IRAK1BP1: variants seen among roughly 807,000 people sequenced by gnomAD.
IRAK1BP1 encodes interleukin-1 receptor-associated kinase 1-binding protein 1.
IRAK1BP1 carries 24 observed loss-of-function variants against 28.0 expected under a neutral mutation model. The observed-to-expected ratio is 0.86, with a 90% CI of 0.62 to 1.20. The LOEUF (loss-of-function observed/expected upper bound fraction) is 1.20. Among genes scored for constraint, IRAK1BP1 ranks in the 50% most tolerant of loss-of-function variants. The probability of loss-of-function intolerance (pLI) is 0.00; values close to 1 mark genes in which losing one functional copy is unlikely to be tolerated. For synonymous variants in IRAK1BP1, 131 were observed against 116.3 expected (o/e 1.13, Z -0.81); for missense variants, 336 against 316.7 (o/e 1.06, Z -0.46).
chr6:78,891,715 G>A (rs1454496440), intron 2 of IRAK1BP1, among the ~76,000 whole-genome samples: 1 of 152,168 alleles, frequency 6.6e-6, no homozygotes, highest in African/African-American at 2.4e-5. Flanking sequence ...GCCTGCCTCT[G>A]CCTCCCAAAG....
chr6:78,978,512 CAGA>C, the IRAK1BP1 span: 1 of 1,154,234 alleles, frequency 8.7e-7, no homozygotes, highest in Non-Finnish European at 1.2e-6. Flanking sequence ...TTCTATTTTC[CAGA>C]AGTCTATTTC....
chr6:78,955,292 AAGAATTTACC>A, the IRAK1BP1 span: 3 of 1,595,758 alleles, frequency 1.9e-6, no homozygotes, highest in Non-Finnish European at 2.6e-6. Flanking sequence ...CCTTTGAGGC[AAGAATTTACC>A]AGATTCATAA....
chr6:78,965,229 T>C, the IRAK1BP1 span, among the ~76,000 whole-genome samples: 1 of 152,150 alleles, frequency 6.6e-6, no homozygotes, highest in Admixed American at 6.5e-5. Flanking sequence ...ATAAGGAAGG[T>C]ATTAGCTTTG....
chr6:78,901,039 G>T lies in IRAK1BP1; in HGVS notation c.*2705G>T, dbSNP rs1772075569. The T allele has an allele frequency of 6.6e-6, 1 of 150,678 alleles. No homozygotes were observed. Among genetic ancestry groups the T allele is most frequent in the African/African-American group, 2.4e-5 (1 of 41,164 alleles). 9.3% of individuals were successfully genotyped at this position (150,678 alleles called of 1,614,324 possible). ...TTGTACAGAAAAGTAGAATGAGGTTGTGCATCAAGAAAAAAATTGTTCGTT... is the reference window on the plus strand; with the variant it reads ...TTGTACAGAAAAGTAGAATGAGGTTTTGCATCAAGAAAAAAATTGTTCGTT... On this transcript the variant is annotated 3_prime_UTR_variant, in exon 4 of 4. Transcript: ENST00000369940.
intron 1 of IRAK1BP1, among the ~76,000 whole-genome samples, chr6:78,873,952 A>C (rs1770892335): frequency 6.6e-6 from 1 of 152,224 alleles, no homozygotes; most frequent in Non-Finnish European, 1.5e-5. Context: ...TACACATGCA[A>C]GAACCTTGCT....
chr6:78,893,880 G>A (rs1771785467), intron 2 of IRAK1BP1, among the ~76,000 whole-genome samples: 1 of 152,032 alleles, frequency 6.6e-6, no homozygotes, highest in Admixed American at 6.6e-5. Flanking sequence ...TCCAGCCTGG[G>A]CGACAGAGCA....
intron 4 of IRAK1BP1, among the ~76,000 whole-genome samples, chr6:78,921,122 G>A (rs550660393): frequency 5.9e-5 from 9 of 152,298 alleles, no homozygotes; most frequent in African/African-American, 1.4e-4. Context: ...CGAGCAGGGC[G>A]AGGCATTGCC....
intron 4 of IRAK1BP1, among the ~76,000 whole-genome samples, chr6:78,919,057 A>G (rs899272353): frequency 2.0e-5 from 3 of 152,208 alleles, no homozygotes; most frequent in Non-Finnish European, 4.4e-5. Context: ...ATCTCTCAAA[A>G]CCACACAATT....
chr6:78,945,578 A>G, exon 5 of IRAK1BP1: 1 of 873,662 alleles, frequency 1.1e-6, no homozygotes, highest in Non-Finnish European at 1.8e-6. Flanking sequence ...AATTATTTGA[A>G]TTAGCCAAGA....
the IRAK1BP1 span, among the ~76,000 whole-genome samples, chr6:78,972,985 T>C: frequency 6.6e-6 from 1 of 152,082 alleles, no homozygotes; most frequent in East Asian, 1.9e-4. Context: ...TTCCCCAATC[T>C]AGCAAGGCAG....
At chr6:78,888,373 A>G (rs1308364824) in intron 2 of IRAK1BP1, among the ~76,000 whole-genome samples, 1 of 152,208 alleles carries the variant, frequency 6.6e-6, no homozygotes, top group Non-Finnish European at 1.5e-5. Context: ...CAAAGGACAC[A>G]AGGAAAATTT....
chr6:78,974,526 CA>C, the IRAK1BP1 span, among the ~76,000 whole-genome samples: 1 of 151,680 alleles, frequency 6.6e-6, no homozygotes, highest in Non-Finnish European at 1.5e-5. Flanking sequence ...TAACTAAGAT[CA>C]GAGCAGAACT....
chr6:78,871,454 C>A (rs77023118), intron 1 of IRAK1BP1: 21,834 of 985,470 alleles, frequency 0.022, 266 homozygotes, highest in Non-Finnish European at 0.024. Flanking sequence ...TCACAACAGA[C>A]CACCTCAGCC....
rs116751443 is a variant in IRAK1BP1 at position 78,874,277 on chromosome 6, C to T, written c.315+6386C>T. Among the ~76,000 whole-genome samples the T allele has an allele frequency of 8.8e-3, 1,341 of 152,298 alleles. 21 individuals carry two copies. The highest frequency in any genetic ancestry group is 0.029 in the African/African-American group (1,214 of 41,564). On this transcript the variant is annotated intron_variant, in intron 1 of 3. Coordinates refer to ENST00000369940, the MANE Select transcript of IRAK1BP1 (RefSeq NM_001010844.4). ...TCCATCTTTTAACCTAATCCTATAG[C>T]AAATCAGATGTGATCATCCTAAGTA...
intron 4 of IRAK1BP1, among the ~76,000 whole-genome samples, chr6:78,922,455 C>A (rs1053428722): frequency 7.2e-5 from 11 of 152,150 alleles, no homozygotes; most frequent in African/African-American, 1.2e-4. Flanking sequence ...GATTGGTGTA[C>A]CTGAAAGTCA....
At chr6:78,972,827 A>G in the IRAK1BP1 span, among the ~76,000 whole-genome samples, 2 of 152,108 alleles carry the variant, frequency 1.3e-5, no homozygotes, top group Admixed American at 6.5e-5. Flanking sequence ...AAGTTTAGAG[A>G]AAAAAACAAT....
At chr6:78,905,833 C>T (rs4706742), downstream of IRAK1BP1, among the ~76,000 whole-genome samples, 68,189 of 151,768 alleles carry the variant, frequency 0.45, 15,959 homozygotes, top group East Asian at 0.69. Context: ...GATCTCCTGA[C>T]CTCGTGATCC....
the IRAK1BP1 span, among the ~76,000 whole-genome samples, chr6:78,974,751 G>A: frequency 3.3e-5 from 5 of 151,888 alleles, no homozygotes; most frequent in African/African-American, 9.7e-5. Context: ...ACACTTCTAC[G>A]CAAATAAACT....
At chr6:78,943,989 TTAAAAAAAAAAAA>T (rs1372844909) in intron 4 of IRAK1BP1, among the ~76,000 whole-genome samples, 2 of 46,822 alleles carry the variant, frequency 4.3e-5, no homozygotes, top group Middle Eastern at 0.015. Flanking sequence ...CTGTCTTTTT[TTAAAAAAAAAAAA>T]AAAAAAAAAA....
Sources: gnomAD v4.1 joint callset for allele counts (sites outside exome capture counted in the v4.1 genomes callset) on GRCh38, gnomAD v4.1.1 for gene constraint, MANE v1.5 for transcripts, NCBI Gene and HGNC (gene_info 2026-07-23, HGNC 2026-07-21) for gene names.